ANK1: variants seen among roughly 807,000 people sequenced by gnomAD.
ANK1 encodes the protein ankyrin-1.
Under a neutral mutation model 210.4 loss-of-function variants are expected in ANK1, and 51 were observed. The observed-to-expected ratio is 0.24, with a 90% confidence interval of 0.19 to 0.31. The LOEUF (loss-of-function observed/expected upper bound fraction) is 0.31. Ranked by LOEUF, ANK1 falls within the 10% of genes least tolerant of loss-of-function variation. The pLI is 1.00. For missense variants in ANK1, 2,051 were observed against 2,504.4 expected (o/e 0.82, Z 3.86); for synonymous variants, 967 against 1,025.9 (o/e 0.94, Z 1.10).
At chr8:41,833,814 G>A (rs1164240758) in intron 1 of ANK1, among the ~76,000 whole-genome samples, 1 of 152,158 alleles carries the variant, frequency 6.6e-6, no homozygotes, top group South Asian at 2.1e-4. Flanking sequence ...CCACCACAAC[G>A]GGGCAAGCAT....
In ANK1 at chr8:41,723,664, C is replaced by T. The variant is rs746402616; in HGVS notation, c.712-31G>A. ...GGGAGGAAGCAGGACGGTCAGGGCG[C>T]GTCATCCTTCCCTGGAATGCAGCTG... On this transcript the variant is annotated intron_variant, in intron 7 of 42. Coordinates refer to ENST00000289734, the MANE Select transcript of ANK1 (RefSeq NM_000037.4). 1.3e-4 allele frequency: 200 copies of T among 1,599,596 alleles called. 1 individual carries two copies. The highest frequency in any genetic ancestry group is 1.6e-4 in the East Asian group (7 of 44,818).
At chr8:41,726,569 T>C (rs1166089997) in intron 5 of ANK1, among the ~76,000 whole-genome samples, 3 of 152,162 alleles carry the variant, frequency 2.0e-5, no homozygotes, top group Admixed American at 6.5e-5. Context: ...TCTTTTTCTG[T>C]AGAGACGGGG....
Position 41,663,756 on chromosome 8 carries a change from A to C in ANK1, c.5395-14T>G. 6.2e-7 allele frequency: 1 copy of C among 1,605,198 alleles called. No homozygotes were observed. ...AAACTCATTCCCCTGGAATTAGAGA[A>C]AGGGAGAAAATGCAAGATTGGTGAG... On this transcript the variant is annotated splice_polypyrimidine_tract_variant and intron_variant, in intron 39 of 42. Transcript: ENST00000289734.
intron 1 of ANK1, among the ~76,000 whole-genome samples, chr8:41,785,893 A>G (rs550253703): frequency 6.6e-6 from 1 of 152,174 alleles, no homozygotes; most frequent in South Asian, 2.1e-4. Flanking sequence ...CGAGGGTCCG[A>G]GCTGACCTCA....
rs572413106 is a variant in ANK1, at chr8:41,810,329, C to T, written c.127-52192G>A. Among the ~76,000 whole-genome samples, 8 of 152,346 alleles carry T rather than the reference C, an allele frequency of 5.3e-5. No individual in the cohort carries two copies. In the East Asian group the frequency reaches 1.5e-3, roughly 29 times the overall value. On this transcript the variant is annotated intron_variant, in intron 1 of 42. Transcript: ENST00000265709. Reference sequence around the variant, plus strand: ...CAACTTAGCTGAAGAATCAGCGAATCTGCGGTTTCATGTCAGGAGGTATAA... The same window carrying T: ...CAACTTAGCTGAAGAATCAGCGAATTTGCGGTTTCATGTCAGGAGGTATAA...
At chr8:41,776,480 C>A (rs1346093540) in intron 1 of ANK1, among the ~76,000 whole-genome samples, 1 of 152,176 alleles carries the variant, frequency 6.6e-6, no homozygotes, top group African/African-American at 2.4e-5. Flanking sequence ...ACCTCCATTG[C>A]ACACTTCTGA....
chr8:41,739,526 T>C (rs990070992), intron 2 of ANK1, among the ~76,000 whole-genome samples: 21 of 149,246 alleles, frequency 1.4e-4, no homozygotes, highest in African/African-American at 4.4e-4. Flanking sequence ...TCTTTCTTTT[T>C]TTTTTTTTTT....
chr8:41,663,917 G>A (rs1286433331), intron 39 of ANK1, 175 bp from the exon 40 acceptor site: 2 of 681,722 alleles, frequency 2.9e-6, no homozygotes, highest in African/African-American at 1.8e-5. Context: ...CCAGGGCGTG[G>A]GCGGCGCCCC....
rs866562435 is a variant in ANK1 at position 41,672,489 on chromosome 8, T to C, written c.4961A>G (p.Lys1654Arg). The change falls in exon 38 of 43, where the codon AAG (lysine) becomes AGG (arginine). Residue 1654 changes from lysine (K) to arginine (R), a missense_variant. Physicochemically the swap from Lys to Arg is conservative, Grantham distance 26. Transcript: ENST00000289734. ...TGCACCTGTCGCGTCATCCTGCCTCTTAGAACCTGGCAGCTTCTCTTCTGA... is the reference window on the plus strand; with the variant it reads ...TGCACCTGTCGCGTCATCCTGCCTCCTAGAACCTGGCAGCTTCTCTTCTGA... ...QRSEEKLPGSKRQDDATGAGQ... is the reference protein window; with the variant it reads ...QRSEEKLPGSRRQDDATGAGQ... 14 of 1,614,256 alleles carry C rather than the reference T, an allele frequency of 8.7e-6. No homozygotes were observed. The Middle Eastern group carries it at 2.1e-3, about 247-fold the overall frequency.
chr8:41,887,053 C>A (rs1405444774), intron 1 of ANK1, among the ~76,000 whole-genome samples: 1 of 152,104 alleles, frequency 6.6e-6, no homozygotes, highest in African/African-American at 2.4e-5. Flanking sequence ...TAGTCCACAG[C>A]ACCTTGGAAT....
At chr8:41,766,512 C>A (rs889204460) in intron 1 of ANK1, among the ~76,000 whole-genome samples, 2 of 152,230 alleles carry the variant, frequency 1.3e-5, no homozygotes, top group African/African-American at 4.8e-5. Context: ...GGAAACAAGA[C>A]GCCTGAGCGG....
chr8:41,710,405 C>T (rs1825810100), intron 16 of ANK1, among the ~76,000 whole-genome samples: 1 of 152,172 alleles, frequency 6.6e-6, no homozygotes, highest in Non-Finnish European at 1.5e-5. Context: ...ATTGCACAGC[C>T]CAGGTAATTC....
At chr8:41,870,556 G>A (rs191568967) in intron 1 of ANK1, among the ~76,000 whole-genome samples, 3 of 152,334 alleles carry the variant, frequency 2.0e-5, no homozygotes, top group Non-Finnish European at 2.9e-5. Flanking sequence ...CATGGATCAC[G>A]GAAGGAGCTG....
At chr8:41,744,536 C>CTTTTTTTT (rs3063769) in intron 2 of ANK1, among the ~76,000 whole-genome samples, 1 of 125,486 alleles carries the variant, frequency 8.0e-6, no homozygotes, top group African/African-American at 3.0e-5. Flanking sequence ...GATTTCTTTT[C>CTTTTTTTT]TTTTTTTTTT....
intron 38 of ANK1, among the ~76,000 whole-genome samples, chr8:41,668,903 A>G (rs1398625049): frequency 6.6e-6 from 1 of 152,048 alleles, no homozygotes; most frequent in Non-Finnish European, 1.5e-5. Context: ...CTCATCCCAC[A>G]TCCTCAAACT....
At chr8:41,767,731 C>T (rs949666739) in intron 1 of ANK1, among the ~76,000 whole-genome samples, 2 of 152,148 alleles carry the variant, frequency 1.3e-5, no homozygotes, top group Non-Finnish European at 2.9e-5. Context: ...GGCGGGCGTC[C>T]TGCCCCTGCG....
At chr8:41,864,995 A>G (rs990254745) in intron 1 of ANK1, among the ~76,000 whole-genome samples, 2 of 152,230 alleles carry the variant, frequency 1.3e-5, no homozygotes, top group Non-Finnish European at 2.9e-5. Flanking sequence ...CAAACACGGC[A>G]ACCCCTTCCA....
chr8:41,703,448 A>ATT (rs1198353842), intron 20 of ANK1, among the ~76,000 whole-genome samples: 6 of 60,184 alleles, frequency 1.0e-4, no homozygotes, highest in African/African-American at 3.4e-4. Context: ...ATATATATAT[A>ATT]TATTTTTTTT....
At chr8:41,767,290 G>A (rs57101367) in intron 1 of ANK1, among the ~76,000 whole-genome samples, 2,024 of 151,176 alleles carry the variant, frequency 0.013, 52 homozygotes, top group African/African-American at 0.047. Flanking sequence ...CCCCGGCCCC[G>A]ATCCCCGCGC....
Sources: allele counts gnomAD v4.1 joint callset (sites outside exome capture counted in the v4.1 genomes callset), GRCh38; gene constraint gnomAD v4.1.1; transcripts MANE v1.5; gene names NCBI Gene and HGNC (gene_info 2026-07-23, HGNC 2026-07-21).